The following VSTM4 variants were observed in gnomAD, a reference collection of about 807,000 sequenced individuals.
VSTM4 encodes the protein V-set and transmembrane domain containing 4.
In VSTM4, 20 loss-of-function variants were observed where a neutral mutation model predicts 36.4. The ratio of observed to expected loss-of-function variants is 0.55; its 90% CI spans 0.39 to 0.80. VSTM4 has a LOEUF of 0.80. Ranked by LOEUF, VSTM4 falls within the 30% of genes least tolerant of loss-of-function variation. The probability of loss-of-function intolerance (pLI) is 0.00; values close to 1 mark genes in which losing one functional copy is unlikely to be tolerated. For synonymous variants in VSTM4, 182 were observed against 173.9 expected, an observed-to-expected ratio of 1.05 and a Z score of -0.37; for missense variants, 392 against 404.5, an observed-to-expected ratio of 0.97 and a Z score of 0.26.
intron 4 of VSTM4, among the ~76,000 whole-genome samples, chr10:49,070,174 A>G (rs1214704218): frequency 7.4e-5 from 5 of 67,962 alleles, no homozygotes; most frequent in Non-Finnish European, 1.3e-4. Flanking sequence ...AATGGCATGA[A>G]CCCGGGAGGC....
Position 49,031,280 on chromosome 10 carries a change from C to T in VSTM4, c.838-11505G>A, listed in dbSNP as rs944179158. 3.9e-5 allele frequency among the ~76,000 whole-genome samples: 6 copies of T among 152,148 alleles called. No homozygotes were observed. In the East Asian group the frequency reaches 7.7e-4, roughly 20 times the overall value. On this transcript the variant is annotated intron_variant, in intron 7 of 7. Coordinates refer to ENST00000332853, the MANE Select transcript of VSTM4 (RefSeq NM_001031746.5). ...CATTTACTAGCTGTGTGACCTCGGACGAGGTACTTCACCTCTTTATTCCTC... is the reference window on the plus strand; with the variant it reads ...CATTTACTAGCTGTGTGACCTCGGATGAGGTACTTCACCTCTTTATTCCTC...
chr10:49,084,118 A>G (rs1464923270), intron 3 of VSTM4, among the ~76,000 whole-genome samples: 1 of 152,222 alleles, frequency 6.6e-6, no homozygotes, highest in East Asian at 1.9e-4. Flanking sequence ...ATTTTACTAA[A>G]TAGTAATGAG....
chr10:49,103,843 C>T (rs1844714208), intron 2 of VSTM4: 1 of 1,614,022 alleles, frequency 6.2e-7, no homozygotes, highest in Non-Finnish European at 8.5e-7. Context: ...CCCCTCTCCA[C>T]TGGATGGCTG....
chr10:49,103,706 G>T (rs765703605), intron 2 of VSTM4: 27 of 1,609,044 alleles, frequency 1.7e-5, no homozygotes, highest in Non-Finnish European at 2.3e-5. Context: ...TTCTTTCTGG[G>T]AGTTTCCAGT....
At chr10:49,062,696 C>A (rs899608375) in intron 5 of VSTM4, among the ~76,000 whole-genome samples, 1 of 152,108 alleles carries the variant, frequency 6.6e-6, no homozygotes, top group Non-Finnish European at 1.5e-5. Context: ...GTTTTAGATC[C>A]ACTCTGTTTA....
At chr10:49,075,299 C>G (rs1282023372) in intron 4 of VSTM4, among the ~76,000 whole-genome samples, 1 of 152,082 alleles carries the variant, frequency 6.6e-6, no homozygotes, top group Admixed American at 6.5e-5. Context: ...CGATCATGCC[C>G]CTGAGCCCAG....
intron 4 of VSTM4, among the ~76,000 whole-genome samples, chr10:49,075,090 C>G (rs1182597694): frequency 6.6e-6 from 1 of 152,214 alleles, no homozygotes; most frequent in Admixed American, 6.5e-5. Context: ...AGGCACTGTG[C>G]ACAGGTGCAA....
intron 3 of VSTM4, among the ~76,000 whole-genome samples, chr10:49,081,269 A>C (rs907455129): frequency 3.3e-5 from 5 of 152,238 alleles, no homozygotes; most frequent in Middle Eastern, 3.2e-3. Flanking sequence ...ACAGAACCTC[A>C]GGCAGGTGAA....
intron 5 of VSTM4, among the ~76,000 whole-genome samples, chr10:49,056,845 G>A (rs1289141077): frequency 2.0e-5 from 3 of 152,162 alleles, no homozygotes; most frequent in Non-Finnish European, 4.4e-5. Flanking sequence ...TCTGAGACTG[G>A]GTAATTTATC....
At chr10:49,058,825 G>A (rs1320852493) in intron 5 of VSTM4, among the ~76,000 whole-genome samples, 1 of 152,146 alleles carries the variant, frequency 6.6e-6, no homozygotes, top group Non-Finnish European at 1.5e-5. Flanking sequence ...TTCCAACCCA[G>A]GCATCTTCTC....
chr10:49,081,395 C>A (rs951249770), intron 3 of VSTM4, among the ~76,000 whole-genome samples: 2 of 152,224 alleles, frequency 1.3e-5, no homozygotes, highest in African/African-American at 4.8e-5. Flanking sequence ...CAAAAGCTTC[C>A]ATGCCCATGG....
chr10:49,044,713 C>A (rs984546321), intron 7 of VSTM4, among the ~76,000 whole-genome samples: 1 of 152,280 alleles, frequency 6.6e-6, no homozygotes, highest in East Asian at 1.9e-4. Context: ...AATGTTAATA[C>A]AACCCAGATT....
At chr10:49,039,003 C>A (rs147249218) in intron 7 of VSTM4, among the ~76,000 whole-genome samples, 3 of 152,062 alleles carry the variant, frequency 2.0e-5, no homozygotes, top group African/African-American at 7.3e-5. Flanking sequence ...CAAAGGTGGG[C>A]GGACCATGAG....
intron 5 of VSTM4, among the ~76,000 whole-genome samples, chr10:49,058,894 G>A (rs1190789371): frequency 6.6e-6 from 1 of 152,172 alleles, no homozygotes; most frequent in Non-Finnish European, 1.5e-5. Context: ...AGCCAGAGAA[G>A]GGCATTCTTC....
chr10:49,077,764 G>C (rs1160861229), intron 3 of VSTM4, among the ~76,000 whole-genome samples: 2 of 152,186 alleles, frequency 1.3e-5, no homozygotes, highest in African/African-American at 2.4e-5. Flanking sequence ...AGAGTTCTTA[G>C]ACTTGACACA....
chr10:49,040,701 C>T (rs1444323229), intron 7 of VSTM4, among the ~76,000 whole-genome samples: 1 of 152,320 alleles, frequency 6.6e-6, no homozygotes, highest in East Asian at 1.9e-4. Flanking sequence ...AGAAAAGATT[C>T]CCACTTGTTA....
chr10:49,095,234 A>G (rs1409795430), intron 2 of VSTM4, among the ~76,000 whole-genome samples: 1 of 152,052 alleles, frequency 6.6e-6, no homozygotes, highest in African/African-American at 2.4e-5. Flanking sequence ...TTACACACAC[A>G]AGTCCAGGAT....
chr10:49,055,758 A>C (rs1237314246), intron 5 of VSTM4, among the ~76,000 whole-genome samples: 1 of 152,256 alleles, frequency 6.6e-6, no homozygotes, highest in Non-Finnish European at 1.5e-5. Context: ...CCACCCACTC[A>C]CAGGGACCCT....
intron 2 of VSTM4, chr10:49,103,778 T>C (rs1232833722): frequency 1.2e-6 from 2 of 1,613,990 alleles, no homozygotes; most frequent in African/African-American, 2.7e-5. Context: ...TGGTTAAGTC[T>C]GCGGTGAAGG....
Sources: gnomAD v4.1 joint callset for allele counts (sites outside exome capture counted in the v4.1 genomes callset) on GRCh38, gnomAD v4.1.1 for gene constraint, MANE v1.5 for transcripts, NCBI Gene and HGNC (gene_info 2026-07-23, HGNC 2026-07-21) for gene names.